Variants in CTNNA3 observed in about 807,000 individuals in gnomAD.
CTNNA3 encodes catenin alpha 3, also known as catenin alpha-3.
In CTNNA3, 76 loss-of-function variants were observed where a neutral mutation model predicts 95.7. The ratio of observed to expected loss-of-function variants is 0.79; its 90% CI spans 0.66 to 0.96. The LOEUF is 0.96. Among genes scored for constraint, CTNNA3 ranks in the 40% least tolerant of loss-of-function variants. CTNNA3 has a pLI of 0.00. For synonymous variants in CTNNA3, 431 were observed against 374.4 expected (o/e 1.15, Z -1.74); for missense variants, 1,191 against 1,089.8 (o/e 1.09, Z -1.31).
intron 7 of CTNNA3, among the ~76,000 whole-genome samples, chr10:66,913,993 C>T (rs1185193852): frequency 6.6e-6 from 1 of 152,194 alleles, no homozygotes; most frequent in African/African-American, 2.4e-5. Flanking sequence ...GTACATCTTC[C>T]ATGTAGGAGC....
intron 5 of CTNNA3, among the ~76,000 whole-genome samples, chr10:67,425,768 C>A (rs1845902048): frequency 6.6e-6 from 1 of 152,002 alleles, no homozygotes; most frequent in African/African-American, 2.4e-5. Context: ...GCCACTGTGG[C>A]CATGCATCAC....
chr10:67,169,864 C>T (rs1861936568), intron 7 of CTNNA3, among the ~76,000 whole-genome samples: 1 of 152,102 alleles, frequency 6.6e-6, no homozygotes. Context: ...GCAAACTATG[C>T]ATCTGACAAA....
intron 13 of CTNNA3, among the ~76,000 whole-genome samples, chr10:66,157,536 T>C (rs147149679): frequency 7.9e-6 from 1 of 125,848 alleles, no homozygotes; most frequent in Non-Finnish European, 1.8e-5. Context: ...GATAGATAGA[T>C]AGATAATCAC....
At chr10:67,097,920 C>G in intron 7 of CTNNA3, 5 of 774,692 alleles carry the variant, frequency 6.5e-6, no homozygotes, top group Non-Finnish European at 8.3e-6. Flanking sequence ...TTCAAATAAA[C>G]AAAAAATCCA....
intron 9 of CTNNA3, among the ~76,000 whole-genome samples, chr10:66,753,438 A>C (rs149953394): frequency 7.2e-5 from 11 of 152,176 alleles, no homozygotes; most frequent in Non-Finnish European, 1.6e-4. Context: ...TGAAGTGGGC[A>C]GGTCACCTGA....
intron 11 of CTNNA3, among the ~76,000 whole-genome samples, chr10:66,401,625 G>A (rs2093022233): frequency 6.8e-6 from 1 of 147,734 alleles, no homozygotes; most frequent in Non-Finnish European, 1.5e-5. Flanking sequence ...ACTTTTGCAA[G>A]TTGGTTCCAT....
chr10:67,601,521 C>T (rs543184346), intron 3 of CTNNA3, among the ~76,000 whole-genome samples: 11 of 152,244 alleles, frequency 7.2e-5, no homozygotes, highest in Admixed American at 7.2e-4. Context: ...AGGCCATGGA[C>T]CAGTACCGGT....
At chr10:67,209,419 A>C (rs541513073) in intron 6 of CTNNA3, among the ~76,000 whole-genome samples, 1 of 152,338 alleles carries the variant, frequency 6.6e-6, no homozygotes, top group South Asian at 2.1e-4. Context: ...TTTTGCTGTA[A>C]TGTGAAAGAC....
intron 6 of CTNNA3, among the ~76,000 whole-genome samples, chr10:67,213,282 G>C (rs970241679): frequency 6.6e-6 from 1 of 151,498 alleles, no homozygotes; most frequent in Admixed American, 6.6e-5. Flanking sequence ...TCATAACCCT[G>C]TAGTTATGAC....
chr10:65,968,662 C>A (rs987539226), intron 16 of CTNNA3, among the ~76,000 whole-genome samples: 7 of 152,174 alleles, frequency 4.6e-5, no homozygotes, highest in Admixed American at 4.6e-4. Context: ...GCCTGAGCCA[C>A]CCCACACTTT....
chr10:67,739,388 G>A (rs1370071482), intron 1 of CTNNA3, among the ~76,000 whole-genome samples: 1 of 152,130 alleles, frequency 6.6e-6, no homozygotes, highest in African/African-American at 2.4e-5. Flanking sequence ...CAGATGACAT[G>A]ATTGTATATC....
At chr10:66,416,789 A>G (rs1361623770) in intron 11 of CTNNA3, among the ~76,000 whole-genome samples, 1 of 152,076 alleles carries the variant, frequency 6.6e-6, no homozygotes, top group African/African-American at 2.4e-5. Flanking sequence ...CACTAGACTG[A>G]CCATACAATA....
chr10:66,982,863 A>G (rs1850518789), intron 7 of CTNNA3, among the ~76,000 whole-genome samples: 1 of 152,182 alleles, frequency 6.6e-6, no homozygotes, highest in Non-Finnish European at 1.5e-5. Context: ...GAAGTCCTTC[A>G]GCTGACCTGG....
At chr10:67,391,780 A>G (rs1217607446) in intron 5 of CTNNA3, among the ~76,000 whole-genome samples, 1 of 150,754 alleles carries the variant, frequency 6.6e-6, no homozygotes, top group Non-Finnish European at 1.5e-5. Flanking sequence ...TCTTTGACAA[A>G]CCTGAGAAAA....
intron 6 of CTNNA3, among the ~76,000 whole-genome samples, chr10:67,195,857 C>T (rs1342630625): frequency 6.6e-6 from 1 of 152,072 alleles, no homozygotes; most frequent in African/African-American, 2.4e-5. Context: ...ATTCATCATT[C>T]ACATACTCTA....
intron 9 of CTNNA3, among the ~76,000 whole-genome samples, chr10:66,661,175 A>T (rs149082835): frequency 5.9e-5 from 9 of 152,142 alleles, no homozygotes; most frequent in African/African-American, 1.9e-4. Context: ...TTAGAATCTA[A>T]TATTATATTA....
At chr10:66,056,331 A>G (rs2080086991) in intron 15 of CTNNA3, among the ~76,000 whole-genome samples, 1 of 152,162 alleles carries the variant, frequency 6.6e-6, no homozygotes, top group Non-Finnish European at 1.5e-5. Context: ...GATGTATCAC[A>G]CTTATTGATT....
chr10:66,008,148 A>T (rs1034620545), intron 15 of CTNNA3, among the ~76,000 whole-genome samples: 2 of 152,108 alleles, frequency 1.3e-5, no homozygotes, highest in Non-Finnish European at 1.5e-5. Flanking sequence ...TTTGAAGACA[A>T]TCACTGAAAC....
chr10:65,979,535 T>C (rs1467526149), intron 16 of CTNNA3, among the ~76,000 whole-genome samples: 2 of 152,090 alleles, frequency 1.3e-5, no homozygotes, highest in Non-Finnish European at 2.9e-5. Flanking sequence ...TTCTGGTTAT[T>C]TGGAATTTTT....
Sources: allele counts gnomAD v4.1 joint callset (sites outside exome capture counted in the v4.1 genomes callset), GRCh38; gene constraint gnomAD v4.1.1; transcripts MANE v1.5; gene names NCBI Gene and HGNC (gene_info 2026-07-23, HGNC 2026-07-21).